Variants in ANO10 observed in about 807,000 individuals in gnomAD.
The protein encoded by ANO10 is anoctamin-10.
A neutral mutation model predicts 74.7 loss-of-function variants in ANO10; 77 were observed. The observed-to-expected ratio is 1.03, with a 90% CI of 0.86 to 1.25. The LOEUF is 1.25. Ranked by LOEUF, ANO10 falls within the 50% of genes most tolerant of loss-of-function variation. The probability of loss-of-function intolerance (pLI) is 0.00; values close to 1 mark genes in which losing one functional copy is unlikely to be tolerated. For missense variants in ANO10, 721 were observed against 778.1 expected (o/e 0.93, Z 0.87); for synonymous variants, 279 against 284.9 (o/e 0.98, Z 0.21).
intron 11 of ANO10, among the ~76,000 whole-genome samples, chr3:43,508,330 T>TA (rs1480271602): frequency 6.6e-6 from 1 of 152,000 alleles, no homozygotes; most frequent in African/African-American, 2.4e-5. Context: ...ACTCAACAAC[T>TA]AAAAAAATCA....
intron 11 of ANO10, among the ~76,000 whole-genome samples, chr3:43,458,415 G>A (rs1459996648): frequency 1.3e-5 from 2 of 152,122 alleles, no homozygotes; most frequent in African/African-American, 4.8e-5. Context: ...ACCTTGCCCT[G>A]CAAAGTTTTT....
chr3:43,489,156 TC>T (rs2076618677), intron 11 of ANO10, among the ~76,000 whole-genome samples: 1 of 123,230 alleles, frequency 8.1e-6, no homozygotes, highest in Non-Finnish European at 1.6e-5. Flanking sequence ...AATATCACAC[TC>T]TGGGGACTGT....
At position 43,519,439 on chromosome 3, in the gene ANO10, G is replaced by T. The variant is rs2077854615; in HGVS notation, c.1797+30281C>A. On this transcript the variant is annotated intron_variant, in intron 11 of 12. Transcript: ENST00000292246. ...CCCTCAAGATACTCTAACTAAGATG[G>T]ACAAGCAAATTTATTCTTGTGATCC... Among the ~76,000 whole-genome samples, 6 of 152,214 alleles carry T rather than the reference G, an allele frequency of 3.9e-5. No homozygotes were observed. The South Asian group carries it at 1.2e-3, about 32-fold the overall frequency.
intron 2 of ANO10, among the ~76,000 whole-genome samples, chr3:43,602,544 C>T (rs574247823): frequency 1.3e-5 from 2 of 152,274 alleles, no homozygotes; most frequent in Admixed American, 1.3e-4. Context: ...CTGTGTTAGC[C>T]AGGCTGGTCT....
At chr3:43,659,516 C>T (rs1431088796) in intron 1 of ANO10, among the ~76,000 whole-genome samples, 1 of 152,188 alleles carries the variant, frequency 6.6e-6, no homozygotes, top group Non-Finnish European at 1.5e-5. Flanking sequence ...GGGCACCCGC[C>T]ATTGCTGAGG....
chr3:43,466,234 G>A (rs2075605735), intron 11 of ANO10, among the ~76,000 whole-genome samples: 1 of 151,810 alleles, frequency 6.6e-6, no homozygotes, highest in African/African-American at 2.4e-5. Flanking sequence ...AGCCAGGCGT[G>A]GTGGTGCGTG....
intron 12 of ANO10, among the ~76,000 whole-genome samples, chr3:43,368,294 T>C (rs992175602): frequency 7.2e-5 from 11 of 151,752 alleles, no homozygotes; most frequent in Admixed American, 5.9e-4. Context: ...GCGGTGGGGG[T>C]AAGAGGGTTC....
chr3:43,504,990 A>G (rs992987718), intron 11 of ANO10, among the ~76,000 whole-genome samples: 1 of 152,212 alleles, frequency 6.6e-6, no homozygotes, highest in African/African-American at 2.4e-5. Context: ...CAACCAGTCC[A>G]AAGTTTCTTT....
At chr3:43,403,625 A>C (rs1040687578) in intron 12 of ANO10, among the ~76,000 whole-genome samples, 1 of 152,232 alleles carries the variant, frequency 6.6e-6, no homozygotes, top group African/African-American at 2.4e-5. Flanking sequence ...AGATGGGAAG[A>C]AGCATTTTCC....
At position 43,510,588 on chromosome 3, in the gene ANO10, G is replaced by GT. The variant is rs1198265510; in HGVS notation, c.1797+39131dup. Among the ~76,000 whole-genome samples, 8 of 152,162 alleles carry GT rather than the reference G, an allele frequency of 5.3e-5. No homozygotes were observed. In the East Asian group the frequency reaches 1.5e-3, roughly 29 times the overall value. ...AAAATATCACCATCCAGGAAACTAG[G>GT]TAACAGGTACACAAAATCTCTGTGT... is the stretch of plus-strand genomic sequence containing the variant. On this transcript the variant is annotated intron_variant, in intron 11 of 12. Coordinates refer to ENST00000292246, the MANE Select transcript of ANO10 (RefSeq NM_018075.5).
At chr3:43,576,654 A>G in intron 6 of ANO10, 38 bp downstream of exon 6, 1 of 1,590,936 alleles carries the variant, frequency 6.3e-7, no homozygotes. Flanking sequence ...CATTTCTTAC[A>G]GGCAAGTAAG....
At chr3:43,656,798 C>T (rs190096484) in intron 1 of ANO10, among the ~76,000 whole-genome samples, 3 of 152,342 alleles carry the variant, frequency 2.0e-5, no homozygotes, top group South Asian at 2.1e-4. Context: ...GGTTCCTGCT[C>T]GCGCCTCTCC....
chr3:43,557,337 C>T (rs535998336), intron 9 of ANO10, among the ~76,000 whole-genome samples: 7 of 152,110 alleles, frequency 4.6e-5, no homozygotes, highest in African/African-American at 1.2e-4. Context: ...TTTACAAAAG[C>T]CAATTCCTTG....
intron 11 of ANO10, among the ~76,000 whole-genome samples, chr3:43,465,334 A>G (rs1339500075): frequency 6.6e-6 from 1 of 152,240 alleles, no homozygotes; most frequent in Non-Finnish European, 1.5e-5. Flanking sequence ...GCCATGTGGT[A>G]TAGCCCATTG....
At chr3:43,372,976 A>G in intron 12 of ANO10, 1 of 905,948 alleles carries the variant, frequency 1.1e-6, no homozygotes, top group Non-Finnish European at 1.6e-6. Flanking sequence ...CACATATTCA[A>G]GTTCTTGAAG....
chr3:43,446,752 G>C (rs2093252316), intron 11 of ANO10, among the ~76,000 whole-genome samples: 1 of 152,066 alleles, frequency 6.6e-6, no homozygotes, highest in Non-Finnish European at 1.5e-5. Context: ...TTCATAGGTA[G>C]ATAAAAATAA....
intron 11 of ANO10, among the ~76,000 whole-genome samples, chr3:43,540,643 G>C (rs2078913943): frequency 6.6e-6 from 1 of 152,050 alleles, no homozygotes; most frequent in Non-Finnish European, 1.5e-5. Context: ...AATGCCTCTT[G>C]GTGAGCCATA....
At chr3:43,616,989 C>A (rs1388704062) in intron 1 of ANO10, among the ~76,000 whole-genome samples, 1 of 151,506 alleles carries the variant, frequency 6.6e-6, no homozygotes, top group East Asian at 1.9e-4. Flanking sequence ...GTTCCCTGGC[C>A]AGGCTTGCTC....
At chr3:43,549,907 C>G in intron 10 of ANO10, 59 bp from the exon 11 acceptor site, 6 of 1,581,856 alleles carry the variant, frequency 3.8e-6, no homozygotes, top group Non-Finnish European at 5.2e-6. Flanking sequence ...ATTTCCTCAT[C>G]CTTTTTCATG....
Sources: allele counts gnomAD v4.1 joint callset (sites outside exome capture counted in the v4.1 genomes callset), GRCh38; gene constraint gnomAD v4.1.1; transcripts MANE v1.5; gene names NCBI Gene and HGNC (gene_info 2026-07-23, HGNC 2026-07-21).